Variants in GUCY2C observed in about 807,000 individuals in gnomAD.
GUCY2C encodes the protein guanylyl cyclase C.
A neutral mutation model predicts 131.1 loss-of-function variants in GUCY2C; 118 were observed. The observed-to-expected ratio is 0.90, with a 90% CI of 0.78 to 1.05. The LOEUF (loss-of-function observed/expected upper bound fraction) is 1.05, where lower values mean the gene tolerates loss of function less well. Among genes scored for constraint, GUCY2C ranks in the 50% least tolerant of loss-of-function variants. GUCY2C has a pLI of 0.00. For synonymous variants in GUCY2C, 452 were observed against 457.8 expected, an observed-to-expected ratio of 0.99 and a Z score of 0.16; for missense variants, 1,161 against 1,304.4, an observed-to-expected ratio of 0.89 and a Z score of 1.69.
At chr12:14,639,567 A>C (rs1275106615) in intron 19 of GUCY2C, among the ~76,000 whole-genome samples, 1 of 152,206 alleles carries the variant, frequency 6.6e-6, no homozygotes, top group East Asian at 1.9e-4. Context: ...CATATGTCCT[A>C]ATAGAAAGGT....
intron 19 of GUCY2C, among the ~76,000 whole-genome samples, chr12:14,628,955 A>C (rs772295726): frequency 1.7e-4 from 26 of 152,204 alleles, no homozygotes; most frequent in Non-Finnish European, 2.9e-4. Flanking sequence ...AATTAATGAA[A>C]TATGTGATAC....
intron 16 of GUCY2C, among the ~76,000 whole-genome samples, chr12:14,644,658 C>A (rs1462570782): frequency 6.6e-6 from 1 of 151,818 alleles, no homozygotes; most frequent in Middle Eastern, 3.2e-3. Context: ...TCAAAATATG[C>A]ATGTCCACAT....
At position 14,622,095 on chromosome 12, in the gene GUCY2C, G is replaced by T. The variant is rs761297391; in HGVS notation, c.2511C>A (p.Cys837Ter). 6.2e-7 allele frequency: 1 copy of T among 1,609,396 alleles called. No individual in the cohort carries two copies. The highest frequency in any genetic ancestry group is 2.2e-5 in the East Asian group (1 of 44,670). The change falls in exon 22 of 27, where the codon TGC becomes TGA. Residue 837 changes from cysteine to a stop codon, truncating the protein, a stop_gained. Coordinates refer to ENST00000261170, the MANE Select transcript of GUCY2C (RefSeq NM_004963.4). LOFTEE classifies it high-confidence loss of function. ...FSDIVGFTTI[C>*]KYSTPMEVVD... ...CCACTTCCATGGGGGTGCTGTATTT[G>T]CAGATAGTAGTGAAACCTACAATGT...
At chr12:14,642,922 A>T (rs6488704) in intron 17 of GUCY2C, among the ~76,000 whole-genome samples, 15 of 152,154 alleles carry the variant, frequency 9.9e-5, no homozygotes, top group Non-Finnish European at 2.1e-4. Flanking sequence ...TGGTGTTTGG[A>T]TCTAGGTAGT....
In GUCY2C at chr12:14,619,580, C is replaced by T. The variant is rs1402383223; in HGVS notation, c.2777-271G>A. ...GGAAGGCATTCAGAGATCCAGATCA[C>T]AAAGGTGATTTTAAATAGAAGGCTC... On this transcript the variant is annotated intron_variant, in intron 23 of 26. Coordinates refer to ENST00000261170, the MANE Select transcript of GUCY2C (RefSeq NM_004963.4). 2.0e-4 allele frequency among the ~76,000 whole-genome samples: 31 copies of T among 152,158 alleles called. 1 individual carries two copies. Among genetic ancestry groups the T allele is most frequent in the Admixed American group, 2.0e-3 (31 of 15,270 alleles).
At chr12:14,616,986 G>C (rs1946777226) in intron 24 of GUCY2C, among the ~76,000 whole-genome samples, 1 of 152,140 alleles carries the variant, frequency 6.6e-6, no homozygotes, top group Non-Finnish European at 1.5e-5. Context: ...CAGGTGTCTG[G>C]GTCACAGGGG....
chr12:14,635,381 A>C (rs1248093705), intron 19 of GUCY2C, among the ~76,000 whole-genome samples: 2 of 152,188 alleles, frequency 1.3e-5, no homozygotes, highest in Non-Finnish European at 2.9e-5. Context: ...TCGATAAAGA[A>C]ATTAGGAGAA....
chr12:14,630,260 A>C (rs1298076794), intron 19 of GUCY2C, among the ~76,000 whole-genome samples: 2 of 152,024 alleles, frequency 1.3e-5, no homozygotes, highest in East Asian at 3.9e-4. Context: ...GCCGCGGTAT[A>C]GCCTGTGGTG....
chr12:14,616,456 G>A (rs1260446653), intron 25 of GUCY2C, among the ~76,000 whole-genome samples, 177 bp downstream of exon 25: 1 of 152,114 alleles, frequency 6.6e-6, no homozygotes, highest in Non-Finnish European at 1.5e-5. Flanking sequence ...TGGAGTAAAG[G>A]CAAGTTTTGA....
chr12:14,619,273 G>A lies in GUCY2C; in HGVS notation c.2813C>T (p.Pro938Leu), dbSNP rs780662599. The change falls in exon 24 of 27, where the codon CCT becomes CTT. Residue 938 changes from proline (P) to leucine (L), a missense_variant. Physicochemically the swap from Pro to Leu is moderately conservative, Grantham distance 98. Coordinates refer to ENST00000261170, the MANE Select transcript of GUCY2C (RefSeq NM_004963.4). The part of the protein sequence containing the change: ...CAAGVVGIKM[P>L]RYCLFGDTVN... ...CGTATCTCCAAATAGACAATAACGAGGCATCTTGATTCCCACAACTCCAGC... is the reference window on the plus strand; with the variant it reads ...CGTATCTCCAAATAGACAATAACGAAGCATCTTGATTCCCACAACTCCAGC... The A allele has an allele frequency of 8.7e-5, 141 of 1,612,782 alleles. No homozygotes were observed. The highest frequency in any genetic ancestry group is 1.2e-4 in the Non-Finnish European group (139 of 1,178,982).
At chr12:14,657,125 G>T (rs934677328) in intron 11 of GUCY2C, among the ~76,000 whole-genome samples, 4 of 152,042 alleles carry the variant, frequency 2.6e-5, no homozygotes, top group Non-Finnish European at 5.9e-5. Context: ...ACTGGGGTTT[G>T]GGGACCCCTG....
chr12:14,672,830 C>A (rs770802438), intron 9 of GUCY2C, 43 bp downstream of exon 9: 2 of 1,097,008 alleles, frequency 1.8e-6, no homozygotes, highest in Non-Finnish European at 2.8e-6. Flanking sequence ...CCTCCTCACC[C>A]AGTCACAGCA....
At chr12:14,640,950 T>C in intron 18 of GUCY2C, 132 bp downstream of exon 18, 3 of 774,910 alleles carry the variant, frequency 3.9e-6, no homozygotes, top group Non-Finnish European at 6.4e-6. Flanking sequence ...AAATGCATAA[T>C]GCAGATGGGA....
intron 7 of GUCY2C, among the ~76,000 whole-genome samples, chr12:14,676,045 T>G (rs1421937200): frequency 6.6e-6 from 1 of 152,226 alleles, no homozygotes; most frequent in Non-Finnish European, 1.5e-5. Context: ...CATCTTTCTT[T>G]GCAGCTTTTT....
intron 19 of GUCY2C, among the ~76,000 whole-genome samples, chr12:14,638,538 A>C (rs1014454647): frequency 7.9e-5 from 12 of 152,242 alleles, no homozygotes; most frequent in African/African-American, 2.9e-4. Flanking sequence ...TTTAGCCATA[A>C]AAATAATGAA....
At chr12:14,681,910 C>A (rs964595405) in intron 4 of GUCY2C, among the ~76,000 whole-genome samples, 5 of 152,232 alleles carry the variant, frequency 3.3e-5, no homozygotes, top group Admixed American at 3.3e-4. Flanking sequence ...ACCCTTGAAT[C>A]TACAGTACAA....
chr12:14,617,048 T>C (rs1217508209), intron 24 of GUCY2C, among the ~76,000 whole-genome samples: 1 of 152,092 alleles, frequency 6.6e-6, no homozygotes, highest in Admixed American at 6.6e-5. Context: ...TGTCACAAGA[T>C]CTGGTCATTT....
chr12:14,696,228 T>G lies in GUCY2C; in HGVS notation c.217+4A>C. The G allele has an allele frequency of 6.2e-7, 1 of 1,609,498 alleles. No individual in the cohort carries two copies. Among genetic ancestry groups the G allele is most frequent in the Non-Finnish European group, 8.5e-7 (1 of 1,175,698 alleles). On this transcript the variant is annotated splice_donor_region_variant and intron_variant, in intron 1 of 26. Coordinates refer to ENST00000261170, the MANE Select transcript of GUCY2C (RefSeq NM_004963.4). ...GGAGGAAGATTCTATTAACATTTTC[T>G]TACCAGCATTTTGCAGACGTCCTCT...
At chr12:14,615,140 T>G (rs1946733282) in intron 25 of GUCY2C, among the ~76,000 whole-genome samples, 197 bp from the exon 26 acceptor site, 1 of 152,188 alleles carries the variant, frequency 6.6e-6, no homozygotes, top group Admixed American at 6.6e-5. Context: ...AGTGCCTTTT[T>G]AAAAATAAGT....
Sources: gnomAD v4.1 joint callset for allele counts (sites outside exome capture counted in the v4.1 genomes callset) on GRCh38, gnomAD v4.1.1 for gene constraint, MANE v1.5 for transcripts, NCBI Gene and HGNC (gene_info 2026-07-23, HGNC 2026-07-21) for gene names.